ZNF559: variants seen among roughly 807,000 people sequenced by gnomAD.
ZNF559 encodes putative protein product of Nbla00121.
In ZNF559, 17 loss-of-function variants were observed where a neutral mutation model predicts 14.2. That is an observed-to-expected ratio of 1.20 (90% confidence interval 0.82 to 1.80). The LOEUF is 1.80. Ranked by LOEUF, ZNF559 falls within the 40% of genes most tolerant of loss-of-function variation. ZNF559 has a pLI of 0.00. For synonymous variants in ZNF559, 244 were observed against 212.4 expected (o/e 1.15, Z -1.29); for missense variants, 740 against 629.7 (o/e 1.18, Z -1.88).
Position 9,343,872 on chromosome 19 carries a change from G to A in ZNF559, c.*804G>A, listed in dbSNP as rs184621230. ...ATCCTGAGTTATCTCAATTGTTCAC[G>A]GTTACAGATGGAACTCTTTATTATT... On this transcript the variant is annotated 3_prime_UTR_variant, in exon 7 of 7. Coordinates refer to ENST00000603380, the MANE Select transcript of ZNF559 (RefSeq NM_032497.3). 75 of 903,784 alleles carry A rather than the reference G, an allele frequency of 8.3e-5. 1 individual carries two copies. In the South Asian group the frequency reaches 1.5e-3, roughly 18 times the overall value. The allele number at this position is 903,784 out of a possible 1,614,324, so 56.0% of individuals were successfully genotyped here.
At chr19:9,335,235 A>G (rs530436438) in intron 2 of ZNF559, among the ~76,000 whole-genome samples, 31 of 151,980 alleles carry the variant, frequency 2.0e-4, no homozygotes, top group Non-Finnish European at 3.8e-4. Context: ...CCAGGAGTTC[A>G]AGATCAGCCT....
At chr19:9,333,345 A>G (rs888728581) in intron 2 of ZNF559, among the ~76,000 whole-genome samples, 10 of 152,214 alleles carry the variant, frequency 6.6e-5, no homozygotes, top group East Asian at 1.9e-4. Flanking sequence ...GGGTAAATAC[A>G]TATATAATTT....
chr19:9,330,983 C>A (rs373842097), intron 2 of ZNF559, among the ~76,000 whole-genome samples: 32 of 152,196 alleles, frequency 2.1e-4, no homozygotes, highest in African/African-American at 7.7e-4. Context: ...CCATATGAGA[C>A]AAGATCAGGA....
chr19:9,338,665 C>G (rs2067372897), intron 4 of ZNF559, 83 bp downstream of exon 4: 7 of 1,038,634 alleles, frequency 6.7e-6, no homozygotes, highest in East Asian at 2.4e-5. Flanking sequence ...GAACAGGGCC[C>G]CTGCAAGCAA....
At chr19:9,331,129 T>C (rs1465216708) in intron 2 of ZNF559, among the ~76,000 whole-genome samples, 1 of 152,236 alleles carries the variant, frequency 6.6e-6, no homozygotes, top group Non-Finnish European at 1.5e-5. Context: ...GCCTCATTTC[T>C]TTCTCAGATG....
chr19:9,325,635 A>G (rs1176850140), intron 2 of ZNF559, among the ~76,000 whole-genome samples: 1 of 151,982 alleles, frequency 6.6e-6, no homozygotes, highest in East Asian at 1.9e-4. Context: ...TACTCAAAAT[A>G]CAAAAAATTA....
chr19:9,341,261 A>G, intron 6 of ZNF559, 77 bp downstream of exon 6: 1 of 1,403,688 alleles, frequency 7.1e-7, no homozygotes, highest in South Asian at 1.2e-5. Context: ...GAAAAGCAGC[A>G]CAATAACCTT....
rs770192974 is a variant in ZNF559, at chr19:9,343,552, T to C, written c.*484T>C. On this transcript the variant is annotated 3_prime_UTR_variant, in exon 7 of 7. Coordinates refer to ENST00000603380, the MANE Select transcript of ZNF559 (RefSeq NM_032497.3). ...GATCTCACAAGTGTGAAAAATCTTA[T>C]GAATGTAAAATGTGTGGAGATTCTT... 4.2e-4 allele frequency: 421 copies of C among 992,432 alleles called. No individual in the cohort carries two copies. Among genetic ancestry groups the C allele is most frequent in the Non-Finnish European group, 4.6e-4 (387 of 833,470 alleles). 61.5% of individuals were successfully genotyped at this position (992,432 alleles called of 1,614,324 possible). A position where few individuals can be genotyped will look rare whatever the true frequency, so the allele number is the denominator to read the frequency against.
chr19:9,345,721 T>C lies in ZNF559; in HGVS notation c.*2653T>C, dbSNP rs900870727. The C allele has an allele frequency of 2.6e-5, 4 of 151,704 alleles. No individual in the cohort carries two copies. The highest frequency in any genetic ancestry group is 9.6e-5 in the African/African-American group (4 of 41,486). 9.4% of individuals were successfully genotyped at this position (151,704 alleles called of 1,614,324 possible). On this transcript the variant is annotated 3_prime_UTR_variant, in exon 7 of 7. Coordinates refer to ENST00000603380, the MANE Select transcript of ZNF559 (RefSeq NM_032497.3). ...CAGGCTGAAGTGCGTGGCACGATCA[T>C]GTGGTTTTGCAATATTTATTGAATT...
rs771098571 is a variant in ZNF559, at chr19:9,343,116, A to G, written c.*48A>G. 4 of 1,565,482 alleles carry G rather than the reference A, an allele frequency of 2.6e-6. No individual in the cohort carries two copies. The highest frequency in any genetic ancestry group is 3.4e-6 in the Non-Finnish European group (4 of 1,160,940). On this transcript the variant is annotated 3_prime_UTR_variant, in exon 7 of 7. Transcript: ENST00000603380. ...AATGTGGTAAAGCCACTACTTCCTC[A>G]CACTTACTGAACATGTACTCATTCA...
chr19:9,325,272 C>T (rs904268356), intron 2 of ZNF559, among the ~76,000 whole-genome samples: 5 of 151,238 alleles, frequency 3.3e-5, no homozygotes, highest in Admixed American at 2.6e-4. Context: ...TAGGGCAAGC[C>T]TCTGTCTCTA....
Position 9,343,363 on chromosome 19 carries a change from T to C in ZNF559, c.*295T>C. 1 of 1,153,126 alleles carries C rather than the reference T, an allele frequency of 8.7e-7. No homozygotes were observed. Among genetic ancestry groups the C allele is most frequent in the Non-Finnish European group, 1.1e-6 (1 of 934,072 alleles). The allele number at this position is 1,153,126 out of a possible 1,614,324, so 71.4% of individuals were successfully genotyped here. On this transcript the variant is annotated 3_prime_UTR_variant, in exon 7 of 7. Transcript: ENST00000603380. ...ATCTTACTGAGTCTGTTTGAACTCA[T>C]GCTGGAGAGAAATGCTATGAATGTG...
chr19:9,340,409 A>C (rs2067493574), intron 5 of ZNF559, among the ~76,000 whole-genome samples: 1 of 152,036 alleles, frequency 6.6e-6, no homozygotes, highest in Admixed American at 6.6e-5. Flanking sequence ...TTTTGCTCTG[A>C]CATTAAGATC....
chr19:9,327,501 G>A (rs1009668171), intron 2 of ZNF559, among the ~76,000 whole-genome samples: 8 of 152,178 alleles, frequency 5.3e-5, no homozygotes, highest in Middle Eastern at 6.8e-3. Context: ...CTCCCGCCTC[G>A]GCCTCCCAAA....
chr19:9,324,722 G>C lies in ZNF559; in HGVS notation c.-178G>C, dbSNP rs2066483815. 1 of 1,535,216 alleles carries C rather than the reference G, an allele frequency of 6.5e-7. No homozygotes were observed. ...ACAGCATCTCTGCCTTCCTGTTCAC[G>C]GTGACCTTCGCTTGGTGTCCTCCTG... On this transcript the variant is annotated 5_prime_UTR_variant, in exon 2 of 7. Transcript: ENST00000603380.
chr19:9,324,213 C>A lies in ZNF559; in HGVS notation c.-221C>A. 5 of 1,536,108 alleles carry A rather than the reference C, an allele frequency of 3.3e-6. No individual in the cohort carries two copies. The highest frequency in any genetic ancestry group is 4.4e-6 in the Non-Finnish European group (5 of 1,146,892). On this transcript the variant is annotated 5_prime_UTR_variant, in exon 1 of 7. Transcript: ENST00000603380. ...ACGGCCGCCATCTTAACAGCGCGTT[C>A]CCGTTGGCGTCTGAGGTAAGTTTTT...
chr19:9,324,492 C>T, intron 1 of ZNF559: 1 of 1,386,340 alleles, frequency 7.2e-7, no homozygotes, highest in Non-Finnish European at 9.5e-7. Flanking sequence ...CCCTGCTCCC[C>T]TCTGCAGAAG....
At position 9,343,628 on chromosome 19, in the gene ZNF559, G is replaced by T; in HGVS notation, c.*560G>T. 1.0e-6 allele frequency: 1 copy of T among 989,182 alleles called. No homozygotes were observed. Among genetic ancestry groups the T allele is most frequent in the Non-Finnish European group, 1.2e-6 (1 of 832,154 alleles). The allele number at this position is 989,182 out of a possible 1,614,324, so 61.3% of individuals were successfully genotyped here. A position where few individuals can be genotyped will look rare whatever the true frequency, so the allele number is the denominator to read the frequency against. ...AACATGTCAAAGCACACATTGAGAA[G>T]TCCCATGAGTGAAAGAGATGTTGGA... On this transcript the variant is annotated 3_prime_UTR_variant, in exon 7 of 7. Coordinates refer to ENST00000603380, the MANE Select transcript of ZNF559 (RefSeq NM_032497.3).
In ZNF559 at chr19:9,341,904, A is replaced by G. The variant is rs1411026733; in HGVS notation, c.453A>G (p.Gln151=). ...DIGEELPNCN[Q]CETAFSQHLH... ...GAGAGGAACTTCCTAACTGTAATCAATGTGAAACAGCCTTCAGCCAACATC... is the reference window on the plus strand; with the variant it reads ...GAGAGGAACTTCCTAACTGTAATCAGTGTGAAACAGCCTTCAGCCAACATC... The change falls in exon 7 of 7, where the codon CAA becomes CAG. Residue 151 remains glutamine (Q), a synonymous_variant. Coordinates refer to ENST00000603380, the MANE Select transcript of ZNF559 (RefSeq NM_032497.3). The G allele has an allele frequency of 6.2e-7, 1 of 1,612,634 alleles. No homozygotes were observed. The highest frequency in any genetic ancestry group is 8.5e-7 in the Non-Finnish European group (1 of 1,179,632).
Sources: allele counts gnomAD v4.1 joint callset (sites outside exome capture counted in the v4.1 genomes callset), GRCh38; gene constraint gnomAD v4.1.1; transcripts MANE v1.5; gene names NCBI Gene and HGNC (gene_info 2026-07-23, HGNC 2026-07-21).